The following DLGAP5 variants were observed in gnomAD, a reference collection of about 807,000 sequenced individuals.
DLGAP5 encodes the protein disks large-associated protein 5.
DLGAP5 carries 90 observed loss-of-function variants against 99.6 expected under a neutral mutation model. The observed-to-expected ratio is 0.90, with a 90% CI of 0.76 to 1.08. DLGAP5 has a LOEUF of 1.08. Among genes scored for constraint, DLGAP5 ranks in the 50% least tolerant of loss-of-function variants. The pLI, the probability that DLGAP5 is intolerant of heterozygous loss-of-function variation, is 0.00. For missense variants in DLGAP5, 1,036 were observed against 983.5 expected, an observed-to-expected ratio of 1.05 and a Z score of -0.71; for synonymous variants, 311 against 321.3, an observed-to-expected ratio of 0.97 and a Z score of 0.34.
rs1566494168 is a variant in DLGAP5, at chr14:55,154,798, CAG to C, written c.1880_1881del (p.Ser627CysfsTer4). 1 of 1,613,744 alleles carries C rather than the reference CAG, an allele frequency of 6.2e-7. No individual in the cohort carries two copies. The highest frequency in any genetic ancestry group is 8.5e-7 in the Non-Finnish European group (1 of 1,179,922). ...CTTTGAGAAGGGCCTTCAGAAGAGA[CAG>C]AAAGTCCTAGAAGATGAGAGAAATC... ...ESPVKLFSGL[S>X]VSSEGPSQRL... On this transcript the variant is annotated frameshift_variant, in exon 15 of 19. Coordinates refer to ENST00000247191, the MANE Select transcript of DLGAP5 (RefSeq NM_014750.5). LOFTEE classifies it high-confidence loss of function.
Position 55,182,391 on chromosome 14 carries a change from T to G in DLGAP5, c.474A>C (p.Lys158Asn). The change falls in exon 4 of 19, where the codon AAA becomes AAC. Residue 158 changes from lysine to asparagine, a missense_variant. Coordinates refer to ENST00000247191, the MANE Select transcript of DLGAP5 (RefSeq NM_014750.5). ...ATACCTTAGTCTGCTCCATTTGGTC[T>G]TTGGCCTTTGACCTTGTAATCCGTA... ...SSVRITRSKA[K>N]DQMEQTKIDN... 6.2e-7 allele frequency: 1 copy of G among 1,612,904 alleles called. No homozygotes were observed. The highest frequency in any genetic ancestry group is 8.5e-7 in the Non-Finnish European group (1 of 1,179,234).
chr14:55,179,709 CAATAA>C lies in DLGAP5; in HGVS notation c.704-15_704-11del, dbSNP rs935729597. ...CCTTCTGGTTCGTTTTCTAAAACAA[CAATAA>C]AATATTTATTTTACTAGATAGAAAT... On this transcript the variant is annotated splice_polypyrimidine_tract_variant and intron_variant, in intron 6 of 18. Transcript: ENST00000247191. The C allele has an allele frequency of 6.3e-7, 1 of 1,596,880 alleles. No homozygotes were observed. Among genetic ancestry groups the C allele is most frequent in the African/African-American group, 1.4e-5 (1 of 73,066 alleles).
intron 10 of DLGAP5, among the ~76,000 whole-genome samples, chr14:55,172,981 CAAAAAAAAAAAA>C (rs71291818): frequency 4.8e-5 from 3 of 62,094 alleles, no homozygotes; most frequent in South Asian, 1.3e-3. Flanking sequence ...GACTCCGTCT[CAAAAAAAAAAAA>C]AAAAAAAAAA....
rs781312686 is a variant in DLGAP5 at position 55,158,685 on chromosome 14, A to T, written c.1710T>A (p.Ile570=). The change falls in exon 14 of 19, where the codon ATT becomes ATA. Residue 570 remains isoleucine, a synonymous_variant. Coordinates refer to ENST00000247191, the MANE Select transcript of DLGAP5 (RefSeq NM_014750.5). ...TGGCAGCTAGGCGATTTCTCGCTGC[A>T]ATTCTTCCAGCATCATCCTGTTTTG... The part of the protein sequence containing the change: ...SKPKQDDAGR[I]AARNRLAAIK... 1 of 1,613,972 alleles carries T rather than the reference A, an allele frequency of 6.2e-7. No homozygotes were observed. Among genetic ancestry groups the T allele is most frequent in the African/African-American group, 1.3e-5 (1 of 74,882 alleles).
intron 10 of DLGAP5, 21 bp from the exon 11 acceptor site, chr14:55,170,808 T>C (rs1183541888): frequency 6.3e-7 from 1 of 1,595,026 alleles, no homozygotes; most frequent in Non-Finnish European, 8.6e-7. Context: ...GACATACATT[T>C]CAGTTCTACA....
At chr14:55,165,814 C>T (rs1882622286) in intron 12 of DLGAP5, among the ~76,000 whole-genome samples, 1 of 152,098 alleles carries the variant, frequency 6.6e-6, no homozygotes, top group Non-Finnish European at 1.5e-5. Flanking sequence ...TCCTCCCTGC[C>T]AAATATCTTA....
chr14:55,166,360 G>A (rs1882641723), intron 12 of DLGAP5, among the ~76,000 whole-genome samples: 1 of 152,224 alleles, frequency 6.6e-6, no homozygotes, highest in Non-Finnish European at 1.5e-5. Flanking sequence ...ACAGTAAGTA[G>A]ATTAGTGGTT....
chr14:55,177,867 T>C (rs115782777), intron 7 of DLGAP5, among the ~76,000 whole-genome samples: 4,025 of 151,974 alleles, frequency 0.026, 170 homozygotes, highest in African/African-American at 0.092. Context: ...GACTAACTAA[T>C]ACCTTTTGGG....
At chr14:55,170,009 C>G (rs570676544) in intron 11 of DLGAP5, among the ~76,000 whole-genome samples, 32 of 152,212 alleles carry the variant, frequency 2.1e-4, no homozygotes, top group Non-Finnish European at 4.3e-4. Flanking sequence ...GTGGCAGGCA[C>G]CTATAATCCC....
At chr14:55,170,136 AAAT>A (rs150651214) in intron 11 of DLGAP5, among the ~76,000 whole-genome samples, 2 of 151,426 alleles carry the variant, frequency 1.3e-5, no homozygotes, top group African/African-American at 4.8e-5. Context: ...ACTCATCTTA[AAAT>A]AATAATAATA....
chr14:55,166,205 T>C (rs1366842712), intron 12 of DLGAP5, among the ~76,000 whole-genome samples: 1 of 152,044 alleles, frequency 6.6e-6, no homozygotes, highest in Non-Finnish European at 1.5e-5. Context: ...CACTCAGCAG[T>C]AAAAAGGTGT....
Position 55,154,627 on chromosome 14 carries a change from G to A in DLGAP5, c.2053C>T (p.Pro685Ser). 1.2e-6 allele frequency: 2 copies of A among 1,613,566 alleles called. No homozygotes were observed. The highest frequency in any genetic ancestry group is 2.2e-5 in the East Asian group (1 of 44,858). ...HVKKTLFLSI[P>S]ESRSSIEDAQ... ...ATGTTAAAGAAATACCTGCTTTCAG[G>A]AATACTCAAAAACAAAGTCTTCTTC... is the stretch of plus-strand genomic sequence containing the variant. Residue 685 changes from proline to serine, a missense_variant, in exon 15 of 19, where the codon CCT becomes TCT. Transcript: ENST00000247191.
At chr14:55,176,518 CAAAA>C (rs1305575326) in intron 8 of DLGAP5, among the ~76,000 whole-genome samples, 1 of 151,840 alleles carries the variant, frequency 6.6e-6, no homozygotes, top group Non-Finnish European at 1.5e-5. Flanking sequence ...TTATTAAAAA[CAAAA>C]AACCCAAATT....
In DLGAP5 at chr14:55,148,251, T is replaced by A; in HGVS notation, c.*100A>T. ...CAGAATATTAAAACATTATATGCTATAGAAGTGAACACAAATACATTTTCT... is the reference window on the plus strand; with the variant it reads ...CAGAATATTAAAACATTATATGCTAAAGAAGTGAACACAAATACATTTTCT... On this transcript the variant is annotated 3_prime_UTR_variant, in exon 19 of 19. Transcript: ENST00000247191. 1 of 1,208,548 alleles carries A rather than the reference T, an allele frequency of 8.3e-7. No individual in the cohort carries two copies. The highest frequency in any genetic ancestry group is 2.1e-5 in the Admixed American group (1 of 47,106). 74.9% of individuals were successfully genotyped at this position (1,208,548 alleles called of 1,614,324 possible).
In DLGAP5 at chr14:55,176,127, T is replaced by A. The variant is rs956390579; in HGVS notation, c.1050-109A>T. 22 of 1,015,352 alleles carry A rather than the reference T, an allele frequency of 2.2e-5. No homozygotes were observed. In the Admixed American group the frequency reaches 4.1e-4, roughly 19 times the overall value. 62.9% of individuals were successfully genotyped at this position (1,015,352 alleles called of 1,614,324 possible). On this transcript the variant is annotated intron_variant, in intron 8 of 18. Transcript: ENST00000247191. Reference sequence around the variant, plus strand: ...AGATCTGGGCTAAAATAGAAATGTTTCTATTTTTTTAAAATGTGTATTCTG... The same window carrying A: ...AGATCTGGGCTAAAATAGAAATGTTACTATTTTTTTAAAATGTGTATTCTG...
chr14:55,187,594 G>A (rs1181369369), intron 2 of DLGAP5, among the ~76,000 whole-genome samples: 1 of 151,366 alleles, frequency 6.6e-6, no homozygotes, highest in Non-Finnish European at 1.5e-5. Context: ...TGGGATTACA[G>A]GCATGAGCCA....
intron 10 of DLGAP5, among the ~76,000 whole-genome samples, chr14:55,172,279 G>A (rs980339521): frequency 6.7e-6 from 1 of 149,602 alleles, no homozygotes; most frequent in Non-Finnish European, 1.5e-5. Context: ...CTTGAGCCTA[G>A]GAGTTCCAGA....
intron 18 of DLGAP5, 179 bp from the exon 19 acceptor site, chr14:55,148,652 A>C: frequency 7.4e-7 from 1 of 1,344,586 alleles, no homozygotes; most frequent in Non-Finnish European, 1.0e-6. Context: ...CCAGGACTTC[A>C]AGACCAGCCC....
In DLGAP5 at chr14:55,173,601, C is replaced by A. The variant is rs544405679; in HGVS notation, c.1301+1745G>T. On this transcript the variant is annotated intron_variant, in intron 10 of 18. Coordinates refer to ENST00000247191, the MANE Select transcript of DLGAP5 (RefSeq NM_014750.5). ...AGATATATGTTGTCTCTCTCTCTCT[C>A]TCTATATATATATATACATGTTGCA... Among the ~76,000 whole-genome samples, 1,216 of 142,572 alleles carry A rather than the reference C, an allele frequency of 8.5e-3. 18 individuals carry two copies. Among genetic ancestry groups the A allele is most frequent in the African/African-American group, 0.034 (1,107 of 32,608 alleles). The allele number at this position is 142,572 out of a possible 152,430, so 93.5% of individuals were successfully genotyped here. A position where few individuals can be genotyped will look rare whatever the true frequency, so the allele number is the denominator to read the frequency against.
Sources: gnomAD v4.1 joint callset for allele counts (sites outside exome capture counted in the v4.1 genomes callset) on GRCh38, gnomAD v4.1.1 for gene constraint, MANE v1.5 for transcripts, NCBI Gene and HGNC (gene_info 2026-07-23, HGNC 2026-07-21) for gene names.